Variants in CRYL1 observed in about 807,000 individuals in gnomAD.
CRYL1 encodes crystallin lambda 1.
CRYL1 carries 29 observed loss-of-function variants against 36.6 expected under a neutral mutation model. The ratio of observed to expected loss-of-function variants is 0.79; its 90% confidence interval spans 0.59 to 1.08. The LOEUF (loss-of-function observed/expected upper bound fraction) is 1.08, where lower values mean the gene tolerates loss of function less well. Among genes scored for constraint, CRYL1 ranks in the 50% least tolerant of loss-of-function variants. The pLI, the probability that CRYL1 is intolerant of heterozygous loss-of-function variation, is 0.00. For missense variants in CRYL1, 411 were observed against 407.9 expected (o/e 1.01, Z -0.06); for synonymous variants, 152 against 151.5 (o/e 1.00, Z -0.02).
intron 4 of CRYL1, among the ~76,000 whole-genome samples, chr13:20,439,213 A>T (rs2032297634): frequency 6.6e-6 from 1 of 152,136 alleles, no homozygotes; most frequent in African/African-American, 2.4e-5. Flanking sequence ...TTGATGTAGC[A>T]CTTTTATATT....
At chr13:20,431,076 C>G (rs763269314) in intron 5 of CRYL1, 572 of 985,288 alleles carry the variant, frequency 5.8e-4, no homozygotes, top group Non-Finnish European at 6.5e-4. Context: ...AGACAATGTA[C>G]CTAACGGGGA....
At chr13:20,508,895 A>T (rs1348240257) in intron 2 of CRYL1, among the ~76,000 whole-genome samples, 1 of 130,792 alleles carries the variant, frequency 7.6e-6, no homozygotes, top group Non-Finnish European at 1.6e-5. Flanking sequence ...AAAACTGACA[A>T]CAACAACATT....
intron 3 of CRYL1, among the ~76,000 whole-genome samples, chr13:20,450,176 T>C (rs1055029830): frequency 3.9e-5 from 6 of 152,114 alleles, no homozygotes; most frequent in Admixed American, 3.9e-4. Flanking sequence ...CATCATATTA[T>C]CTGACTTCAA....
chr13:20,425,952 G>C lies in CRYL1; in HGVS notation c.633+6150C>G, dbSNP rs2031923970. On this transcript the variant is annotated intron_variant, in intron 5 of 7. Coordinates refer to ENST00000298248, the MANE Select transcript of CRYL1 (RefSeq NM_015974.3). The surrounding 1 kb of genome is among the most constrained non-coding windows in gnomAD (Gnocchi z 4.4). ...TCAGCTATACGGGAGTGCTGTTTCT[G>C]GGTGTCCCTCCTGAGGGACCTGCTT... Among the ~76,000 whole-genome samples, 1 of 152,144 alleles carries C rather than the reference G, an allele frequency of 6.6e-6. No homozygotes were observed. The highest frequency in any genetic ancestry group is 1.5e-5 in the Non-Finnish European group (1 of 68,030).
chr13:20,435,934 C>G lies in CRYL1; in HGVS notation c.439-3638G>C, dbSNP rs1414410519. Among the ~76,000 whole-genome samples the G allele has an allele frequency of 6.6e-6, 1 of 152,170 alleles. No individual in the cohort carries two copies. Among genetic ancestry groups the G allele is most frequent in the African/African-American group, 2.4e-5 (1 of 41,460 alleles). On this transcript the variant is annotated intron_variant, in intron 4 of 7. Transcript: ENST00000298248. The surrounding 1 kb of genome is among the most constrained non-coding windows in gnomAD (Gnocchi z 4.0). ...ATGCTTCATGGGTAGCCCATCCTCT[C>G]GGCGGCGCGCTCGCAGGGAGGGCTC...
In CRYL1 at chr13:20,437,888, A is replaced by G. The variant is rs550907016; in HGVS notation, c.438+1705T>C. On this transcript the variant is annotated intron_variant, in intron 4 of 7. Coordinates refer to ENST00000298248, the MANE Select transcript of CRYL1 (RefSeq NM_015974.3). ...ACTTAGAAGCAAGAACATGGGTTAG[A>G]AATTAGGAGGCTGACAGCTTCCACT... 1.6e-4 allele frequency among the ~76,000 whole-genome samples: 24 copies of G among 152,334 alleles called. No homozygotes were observed. The South Asian group carries it at 4.6e-3, about 29-fold the overall frequency.
At chr13:20,516,485 T>C (rs1247181322) in intron 1 of CRYL1, among the ~76,000 whole-genome samples, 3 of 150,372 alleles carry the variant, frequency 2.0e-5, no homozygotes, top group Non-Finnish European at 4.4e-5. Context: ...CAAAAGATAA[T>C]CTTTTTTTTT....
rs1486604573 is a variant in CRYL1, at chr13:20,479,937, A to G, written c.276+9433T>C. 2.0e-5 allele frequency among the ~76,000 whole-genome samples: 3 copies of G among 152,308 alleles called. No homozygotes were observed. In the East Asian group the frequency reaches 5.8e-4, roughly 29 times the overall value. On this transcript the variant is annotated intron_variant, in intron 3 of 7. Coordinates refer to ENST00000298248, the MANE Select transcript of CRYL1 (RefSeq NM_015974.3). Reference sequence around the variant, plus strand: ...CAGTTCATCAAGAAGTCATGGACCAAGCTGTTACCAAGAACTACATTTTCC... The same window carrying G: ...CAGTTCATCAAGAAGTCATGGACCAGGCTGTTACCAAGAACTACATTTTCC...
intron 2 of CRYL1, among the ~76,000 whole-genome samples, chr13:20,492,439 A>G (rs779021364): frequency 5.3e-5 from 8 of 152,212 alleles, no homozygotes; most frequent in Non-Finnish European, 1.0e-4. Flanking sequence ...AACCCCAAGT[A>G]GACTAACATC....
At chr13:20,426,673 G>A in intron 5 of CRYL1, 1 of 984,844 alleles carries the variant, frequency 1.0e-6, no homozygotes, top group Non-Finnish European at 1.2e-6. Context: ...AGAAACCTTT[G>A]AATAAGTTTG....
At chr13:20,458,843 G>C (rs1026963387) in intron 3 of CRYL1, among the ~76,000 whole-genome samples, 2 of 152,188 alleles carry the variant, frequency 1.3e-5, no homozygotes, top group Non-Finnish European at 2.9e-5. Context: ...CAACAAAGCA[G>C]AGTAGAATCT....
intron 3 of CRYL1, among the ~76,000 whole-genome samples, chr13:20,451,285 A>C (rs1593452827): frequency 6.6e-6 from 1 of 152,268 alleles, no homozygotes; most frequent in African/African-American, 2.4e-5. Flanking sequence ...ACAAAAACTG[A>C]CAAGTGGGAC....
At chr13:20,469,561 C>T (rs1469883000) in intron 3 of CRYL1, among the ~76,000 whole-genome samples, 2 of 152,162 alleles carry the variant, frequency 1.3e-5, no homozygotes, top group Non-Finnish European at 2.9e-5. Flanking sequence ...GGGAGGGACT[C>T]GGGGTTCAAT....
At chr13:20,484,339 C>T (rs2033351834) in intron 3 of CRYL1, among the ~76,000 whole-genome samples, 1 of 152,162 alleles carries the variant, frequency 6.6e-6, no homozygotes, top group South Asian at 2.1e-4. Flanking sequence ...CCGGCAGAGG[C>T]TGCGGACTTT....
At position 20,519,602 on chromosome 13, in the gene CRYL1, GGGA is replaced by G. The variant is rs1290337834; in HGVS notation, c.41+6149_41+6151del. The stretch of plus-strand genomic sequence containing the variant: ...ACATAGCGAGACCCCATCTTGGGAA[GGGA>G]AGGGGAGGGGAGGGGAGGGAAGGGA... On this transcript the variant is annotated intron_variant, in intron 1 of 7. Coordinates refer to ENST00000298248, the MANE Select transcript of CRYL1 (RefSeq NM_015974.3). Among the ~76,000 whole-genome samples, 5 of 108,694 alleles carry G rather than the reference GGGA, an allele frequency of 4.6e-5. No individual in the cohort carries two copies. In the East Asian group the frequency reaches 1.5e-3, roughly 33 times the overall value. The allele number at this position is 108,694 out of a possible 152,430, so 71.3% of individuals were successfully genotyped here.
chr13:20,435,902 G>C lies in CRYL1; in HGVS notation c.439-3606C>G, dbSNP rs75676440. Among the ~76,000 whole-genome samples, 4 of 152,144 alleles carry C rather than the reference G, an allele frequency of 2.6e-5. No individual in the cohort carries two copies. Among genetic ancestry groups the C allele is most frequent in the African/African-American group, 9.6e-5 (4 of 41,574 alleles). The stretch of plus-strand genomic sequence containing the variant: ...GGCTGGGGCCTCTTGCCAGCCCTCG[G>C]TGTTCGATGCTTCATGGGTAGCCCA... On this transcript the variant is annotated intron_variant, in intron 4 of 7. Coordinates refer to ENST00000298248, the MANE Select transcript of CRYL1 (RefSeq NM_015974.3). This position sits in a 1 kb window ranked among gnomAD's most constrained non-coding sequence, Gnocchi z 4.0.
At position 20,432,123 on chromosome 13, in the gene CRYL1, G is replaced by A. The variant is rs768911649; in HGVS notation, c.612C>T (p.Ser204=). 1.1e-5 allele frequency: 18 copies of A among 1,614,000 alleles called. No homozygotes were observed. Among genetic ancestry groups the A allele is most frequent in the African/African-American group, 2.7e-5 (2 of 74,876 alleles). Residue 204 remains serine, a synonymous_variant, in exon 5 of 8, where the codon AGC becomes AGT. Coordinates refer to ENST00000298248, the MANE Select transcript of CRYL1 (RefSeq NM_015974.3). ...VLNRLQYAII[S]EAWRLVEEGI... ...ACACCTCCACTAGCCGCCAGGCCTC[G>A]CTGATGATTGCATATTGCAGGCGGT...
At chr13:20,483,890 C>T (rs1252631785) in intron 3 of CRYL1, among the ~76,000 whole-genome samples, 3 of 152,120 alleles carry the variant, frequency 2.0e-5, no homozygotes, top group East Asian at 3.9e-4. Flanking sequence ...GATCTTGGCT[C>T]ACTGCAACCT....
chr13:20,490,370 C>T (rs1055797807), intron 2 of CRYL1, among the ~76,000 whole-genome samples: 10 of 151,970 alleles, frequency 6.6e-5, no homozygotes, highest in East Asian at 3.9e-4. Context: ...CCAGCCTGAG[C>T]GACAGAGTGA....
Sources: allele counts gnomAD v4.1 joint callset (sites outside exome capture counted in the v4.1 genomes callset), GRCh38; gene constraint gnomAD v4.1.1; non-coding constraint Gnocchi (gnomAD v3.1); transcripts MANE v1.5; gene names NCBI Gene and HGNC (gene_info 2026-07-23, HGNC 2026-07-21).